Variants in NALCN observed in about 807,000 individuals in gnomAD.
NALCN encodes the protein sodium leak channel NALCN.
NALCN carries 111 observed loss-of-function variants against 225.3 expected under a neutral mutation model. The ratio of observed to expected loss-of-function variants is 0.49; its 90% CI spans 0.42 to 0.58. NALCN has a LOEUF of 0.58. Among genes scored for constraint, NALCN ranks in the 20% least tolerant of loss-of-function variants. The pLI, the probability that NALCN is intolerant of heterozygous loss-of-function variation, is 0.00. For missense variants in NALCN, 1,378 were observed against 2,202.4 expected (o/e 0.63, Z 7.49); for synonymous variants, 764 against 769.0 (o/e 0.99, Z 0.11).
At chr13:101,248,761 T>C (rs2041974662) in intron 11 of NALCN, among the ~76,000 whole-genome samples, 1 of 152,336 alleles carries the variant, frequency 6.6e-6, no homozygotes, top group Middle Eastern at 3.4e-3. Context: ...ATCTCTTCTT[T>C]TGGCTGGCTC....
chr13:101,149,163 G>T (rs546521915), intron 15 of NALCN, among the ~76,000 whole-genome samples: 2 of 152,062 alleles, frequency 1.3e-5, no homozygotes, highest in Non-Finnish European at 2.9e-5. Flanking sequence ...CGTGGTGGCA[G>T]GCGCCTGTAG....
Position 101,089,721 on chromosome 13 carries a change from C to T in NALCN, c.3431G>A (p.Cys1144Tyr), listed in dbSNP as rs189282526. Residue 1144 changes from cysteine (C) to tyrosine (Y), a missense_variant, in exon 30 of 44, where the codon TGC becomes TAC. By Grantham distance (194) the Cys-to-Tyr change is radical (BLOSUM62 -2). Around this residue, in one of 19 missense-constraint regions of NALCN, gnomAD observed 10 missense variants for 61.6 expected, o/e 0.16. Transcript: ENST00000251127. The surrounding 1 kb of genome is among the most constrained non-coding windows in gnomAD (Gnocchi z 4.7). ...AACAAAAAGGGTCAGTCCAATCATG[C>T]AACCCAGGAATACAAAAACATGAAT... is the stretch of plus-strand genomic sequence containing the variant. Reference protein sequence around the residue: ...IYIHVFVFLGCMIGLTLFVGV... With the variant: ...IYIHVFVFLGYMIGLTLFVGV... The T allele has an allele frequency of 1.2e-6, 2 of 1,613,940 alleles. No individual in the cohort carries two copies. The highest frequency in any genetic ancestry group is 1.7e-6 in the Non-Finnish European group (2 of 1,179,946).
At chr13:101,404,731 T>A (rs993349362) in intron 1 of NALCN, among the ~76,000 whole-genome samples, 14 of 152,370 alleles carry the variant, frequency 9.2e-5, no homozygotes, top group South Asian at 4.1e-4. Flanking sequence ...CCAGATTTTT[T>A]AAATCTAGCC....
intron 13 of NALCN, among the ~76,000 whole-genome samples, chr13:101,221,384 TG>T (rs2040933666): frequency 6.6e-6 from 1 of 152,180 alleles, no homozygotes; most frequent in African/African-American, 2.4e-5. Flanking sequence ...CTCAAAGTGC[TG>T]GGATTACAGG....
chr13:101,136,249 C>A (rs2036779007), intron 17 of NALCN, among the ~76,000 whole-genome samples: 1 of 152,030 alleles, frequency 6.6e-6, no homozygotes, highest in South Asian at 2.1e-4. Context: ...CTGCAAAGAC[C>A]AGTAAGAAGA....
chr13:101,070,360 C>G (rs891215335), intron 37 of NALCN, among the ~76,000 whole-genome samples: 1 of 152,218 alleles, frequency 6.6e-6, no homozygotes, highest in Non-Finnish European at 1.5e-5. Flanking sequence ...GCCACTGCGC[C>G]TGGCCATGAA....
intron 7 of NALCN, among the ~76,000 whole-genome samples, chr13:101,326,742 T>TG (rs1387160896): frequency 6.6e-6 from 1 of 152,234 alleles, no homozygotes; most frequent in African/African-American, 2.4e-5. Context: ...TGCTATTTAT[T>TG]GGCCCGTGGT....
intron 10 of NALCN, among the ~76,000 whole-genome samples, chr13:101,273,351 T>C (rs77117898): frequency 1.3e-5 from 2 of 152,358 alleles, no homozygotes; most frequent in East Asian, 3.9e-4. Context: ...AACAGCTATA[T>C]ACCTGCTTGG....
chr13:101,208,458 G>A (rs551478997), intron 13 of NALCN, among the ~76,000 whole-genome samples: 3 of 152,160 alleles, frequency 2.0e-5, no homozygotes, highest in South Asian at 2.1e-4. Flanking sequence ...CAACAATTCC[G>A]GACACAGTAT....
At chr13:101,160,967 G>T (rs1010355969) in intron 15 of NALCN, among the ~76,000 whole-genome samples, 4 of 152,200 alleles carry the variant, frequency 2.6e-5, no homozygotes, top group African/African-American at 9.7e-5. Context: ...GAGACAGGTT[G>T]AGTTACCATA....
chr13:101,174,226 A>G (rs114534627), intron 15 of NALCN, among the ~76,000 whole-genome samples: 2,556 of 152,342 alleles, frequency 0.017, 34 homozygotes, highest in African/African-American at 0.025. Flanking sequence ...TGTAAAAAGT[A>G]CTAACAAAAA....
intron 15 of NALCN, among the ~76,000 whole-genome samples, chr13:101,174,773 T>C (rs957520758): frequency 3.3e-5 from 5 of 152,154 alleles, no homozygotes; most frequent in African/African-American, 1.2e-4. Context: ...AACCTGGCGG[T>C]AGCACTAGCT....
chr13:101,310,685 T>G (rs1217704936), intron 7 of NALCN, among the ~76,000 whole-genome samples: 1 of 152,062 alleles, frequency 6.6e-6, no homozygotes, highest in Non-Finnish European at 1.5e-5. Context: ...AAAGCAAGGA[T>G]TTTTTCTCTG....
chr13:101,162,047 C>G (rs2038211760), intron 15 of NALCN, among the ~76,000 whole-genome samples: 1 of 152,164 alleles, frequency 6.6e-6, no homozygotes, highest in East Asian at 1.9e-4. Flanking sequence ...GCTCCCCTCC[C>G]CTGACCCACC....
intron 18 of NALCN, among the ~76,000 whole-genome samples, chr13:101,112,198 A>C (rs1250132319): frequency 6.7e-6 from 1 of 149,630 alleles, no homozygotes; most frequent in African/African-American, 2.5e-5. Flanking sequence ...CACAGTTCAA[A>C]AAAAAAAAAA....
At chr13:101,388,991 C>T (rs2047068102) in intron 3 of NALCN, among the ~76,000 whole-genome samples, 1 of 152,190 alleles carries the variant, frequency 6.6e-6, no homozygotes, top group African/African-American at 2.4e-5. Context: ...GGCCGGGCAA[C>T]GTCCAGGGGA....
intron 7 of NALCN, among the ~76,000 whole-genome samples, chr13:101,300,333 T>C (rs953414872): frequency 6.6e-6 from 1 of 151,520 alleles, no homozygotes; most frequent in Non-Finnish European, 1.5e-5. Context: ...TTTTCCTTCC[T>C]TCCTTCTTTT....
intron 7 of NALCN, among the ~76,000 whole-genome samples, chr13:101,308,551 C>T (rs2044231262): frequency 1.3e-5 from 2 of 152,168 alleles, no homozygotes; most frequent in African/African-American, 4.8e-5. Context: ...CAACTTGTGT[C>T]TTGCTTGAGC....
Position 101,164,615 on chromosome 13 carries a change from T to C in NALCN, c.1839+11685A>G, listed in dbSNP as rs573287188. Among the ~76,000 whole-genome samples, 3 of 152,314 alleles carry C rather than the reference T, an allele frequency of 2.0e-5. No homozygotes were observed. In the South Asian group the frequency reaches 6.2e-4, roughly 32 times the overall value. ...GTTGTTTTTATGTTGATAATTGATA[T>C]TCCCAAATTCTGAGCCTCTGTTGTG... is the stretch of plus-strand genomic sequence containing the variant. On this transcript the variant is annotated intron_variant, in intron 15 of 43. Transcript: ENST00000251127.
Sources: gnomAD v4.1 joint callset for allele counts (sites outside exome capture counted in the v4.1 genomes callset) on GRCh38, gnomAD v4.1.1 for gene constraint, gnomAD v4.1.1 regional missense constraint, Gnocchi (gnomAD v3.1) non-coding constraint, MANE v1.5 for transcripts, NCBI Gene and HGNC (gene_info 2026-07-23, HGNC 2026-07-21) for gene names.